Variants in CRPPA observed in about 807,000 individuals in gnomAD.
The protein encoded by CRPPA is D-ribitol-5-phosphate cytidylyltransferase.
In CRPPA, 43 loss-of-function variants were observed where a neutral mutation model predicts 52.0. The observed-to-expected ratio is 0.83, with a 90% CI of 0.65 to 1.07. CRPPA has a LOEUF of 1.07. Among genes scored for constraint, CRPPA ranks in the 50% least tolerant of loss-of-function variants. CRPPA has a pLI of 0.00. For synonymous variants in CRPPA, 250 were observed against 203.5 expected (o/e 1.23, Z -1.94); for missense variants, 629 against 551.7 (o/e 1.14, Z -1.40).
chr7:16,378,593 C>A (rs959682008), intron 2 of CRPPA, among the ~76,000 whole-genome samples: 1 of 151,932 alleles, frequency 6.6e-6, no homozygotes, highest in Admixed American at 6.6e-5. Context: ...GTCTTTAGAG[C>A]AGCATGATTT....
At chr7:16,133,734 A>G (rs1332449674) in intron 9 of CRPPA, among the ~76,000 whole-genome samples, 1 of 124,528 alleles carries the variant, frequency 8.0e-6, no homozygotes, top group Non-Finnish European at 1.8e-5. Flanking sequence ...AAAAGTTAAG[A>G]AAAGTCATGG....
At chr7:16,352,879 G>GCACACA (rs56733439) in intron 3 of CRPPA, among the ~76,000 whole-genome samples, 132 of 142,420 alleles carry the variant, frequency 9.3e-4, no homozygotes, top group African/African-American at 3.0e-3. Context: ...AAGTAACATG[G>GCACACA]CACACACACA....
At chr7:16,344,136 T>A (rs890934025) in intron 3 of CRPPA, among the ~76,000 whole-genome samples, 1 of 152,102 alleles carries the variant, frequency 6.6e-6, no homozygotes, top group African/African-American at 2.4e-5. Context: ...AGTTGTCATA[T>A]TGTGTTAATG....
At chr7:16,367,655 A>G (rs996374858) in intron 3 of CRPPA, among the ~76,000 whole-genome samples, 8 of 152,214 alleles carry the variant, frequency 5.3e-5, no homozygotes, top group African/African-American at 1.9e-4. Context: ...TACGAGATAC[A>G]AGTCTTATTT....
intron 2 of CRPPA, among the ~76,000 whole-genome samples, chr7:16,387,058 T>C (rs1252591532): frequency 9.6e-5 from 7 of 72,650 alleles, no homozygotes; most frequent in Admixed American, 9.3e-4. Flanking sequence ...TATATATATA[T>C]ATATATATAT....
At chr7:16,403,232 C>T (rs572468971) in intron 2 of CRPPA, among the ~76,000 whole-genome samples, 4 of 152,168 alleles carry the variant, frequency 2.6e-5, no homozygotes, top group South Asian at 4.2e-4. Flanking sequence ...ATTTTGCTCC[C>T]GAACTTATGG....
chr7:16,161,666 G>C (rs1428971701), intron 9 of CRPPA, among the ~76,000 whole-genome samples: 1 of 152,074 alleles, frequency 6.6e-6, no homozygotes, highest in East Asian at 1.9e-4. Flanking sequence ...GTGTGTCTCT[G>C]CCAAGTTTTA....
chr7:16,125,917 ACACAC>A (rs1249887589), intron 9 of CRPPA, among the ~76,000 whole-genome samples: 8 of 151,820 alleles, frequency 5.3e-5, no homozygotes, highest in African/African-American at 1.7e-4. Context: ...ACACACACAC[ACACAC>A]ACACACACAC....
At chr7:16,263,297 T>C (rs982303607) in intron 6 of CRPPA, among the ~76,000 whole-genome samples, 1 of 152,190 alleles carries the variant, frequency 6.6e-6, no homozygotes, top group African/African-American at 2.4e-5. Flanking sequence ...AACACAAATA[T>C]TCTTAAACTC....
chr7:16,196,213 A>G (rs1355940567), intron 9 of CRPPA, among the ~76,000 whole-genome samples: 1 of 152,114 alleles, frequency 6.6e-6, no homozygotes, highest in Non-Finnish European at 1.5e-5. Flanking sequence ...TGAGGTCCTA[A>G]TCTAGTTCAG....
intron 3 of CRPPA, among the ~76,000 whole-genome samples, chr7:16,348,162 T>G (rs1786062906): frequency 6.6e-6 from 1 of 152,148 alleles, no homozygotes; most frequent in Non-Finnish European, 1.5e-5. Context: ...TCCCAAGCCT[T>G]CTTCCTCAGC....
At chr7:16,138,302 TTGTC>T (rs1194123488) in intron 9 of CRPPA, among the ~76,000 whole-genome samples, 4 of 152,180 alleles carry the variant, frequency 2.6e-5, no homozygotes, top group Non-Finnish European at 4.4e-5. Flanking sequence ...AGAAGAGAAT[TTGTC>T]TGTGCAAGGA....
chr7:16,400,534 T>C (rs1787785940), intron 2 of CRPPA, among the ~76,000 whole-genome samples: 1 of 152,144 alleles, frequency 6.6e-6, no homozygotes. Flanking sequence ...TGATTGACAC[T>C]ACTGACACGT....
intron 9 of CRPPA, among the ~76,000 whole-genome samples, chr7:16,183,229 C>T (rs1038878504): frequency 5.9e-5 from 9 of 152,148 alleles, no homozygotes; most frequent in African/African-American, 2.2e-4. Flanking sequence ...AAAGTCATCT[C>T]TAGTCCGTAA....
At chr7:16,091,839 C>T (rs1429560228) in intron 9 of CRPPA, 40 bp from the exon 10 acceptor site, 3 of 1,191,890 alleles carry the variant, frequency 2.5e-6, no homozygotes, top group African/African-American at 1.6e-5. Flanking sequence ...TTAGAAAAAA[C>T]ATATGCCATG....
At chr7:16,386,120 G>A (rs927680955) in intron 2 of CRPPA, among the ~76,000 whole-genome samples, 30 of 152,124 alleles carry the variant, frequency 2.0e-4, no homozygotes, top group African/African-American at 7.2e-4. Flanking sequence ...GTTTTACTGA[G>A]TGGTGGAGGT....
intron 1 of CRPPA, among the ~76,000 whole-genome samples, chr7:16,412,532 G>A (rs1478564418): frequency 2.6e-5 from 4 of 152,118 alleles, no homozygotes; most frequent in African/African-American, 9.7e-5. Context: ...CATACACCCA[G>A]TACTTGCAAG....
chr7:16,264,900 T>A (rs1467210765), intron 6 of CRPPA, among the ~76,000 whole-genome samples: 8 of 152,202 alleles, frequency 5.3e-5, no homozygotes, highest in African/African-American at 1.9e-4. Flanking sequence ...TTTGAATCTA[T>A]CTCCAGAACG....
chr7:16,236,602 C>A (rs890988051), intron 8 of CRPPA, among the ~76,000 whole-genome samples: 1 of 152,058 alleles, frequency 6.6e-6, no homozygotes, highest in African/African-American at 2.4e-5. Flanking sequence ...CCAAAACCTG[C>A]AAAAGTAATC....
Sources: gnomAD v4.1 joint callset for allele counts (sites outside exome capture counted in the v4.1 genomes callset) on GRCh38, gnomAD v4.1.1 for gene constraint, MANE v1.5 for transcripts, NCBI Gene and HGNC (gene_info 2026-07-23, HGNC 2026-07-21) for gene names.